The following BCAR3 variants were observed in gnomAD, a reference collection of about 807,000 sequenced individuals.
BCAR3 encodes the protein BCAR3 adaptor protein, NSP family member, also known as breast cancer anti-estrogen resistance protein 3.
Under a neutral mutation model 80.1 loss-of-function variants are expected in BCAR3, and 37 were observed. The ratio of observed to expected loss-of-function variants is 0.46; its 90% confidence interval spans 0.36 to 0.61. The LOEUF is 0.61. BCAR3 is among the 20% of genes least tolerant of loss of function. The pLI, the probability that BCAR3 is intolerant of heterozygous loss-of-function variation, is 0.00. For synonymous variants in BCAR3, 389 were observed against 418.9 expected, an observed-to-expected ratio of 0.93 and a Z score of 0.87; for missense variants, 978 against 1,068.2, an observed-to-expected ratio of 0.92 and a Z score of 1.18.
intron 2 of BCAR3, among the ~76,000 whole-genome samples, chr1:93,784,078 C>A (rs1042932782): frequency 6.6e-6 from 1 of 151,966 alleles, no homozygotes; most frequent in African/African-American, 2.4e-5. Flanking sequence ...TAACAGCCAG[C>A]CAGCAGTGAG....
chr1:93,730,371 G>T (rs1269361077), intron 2 of BCAR3, among the ~76,000 whole-genome samples: 1 of 152,106 alleles, frequency 6.6e-6, no homozygotes, highest in East Asian at 1.9e-4. Flanking sequence ...GACAGTGGGT[G>T]TGCAGAGATA....
chr1:93,631,185 T>C (rs1362700530), intron 3 of BCAR3, among the ~76,000 whole-genome samples: 1 of 152,186 alleles, frequency 6.6e-6, no homozygotes, highest in African/African-American at 2.4e-5. Context: ...CCAGTCTCTA[T>C]CTGTCCTCAC....
At chr1:93,563,143 T>TTG (rs1557830978) in intron 11 of BCAR3, among the ~76,000 whole-genome samples, 1 of 151,928 alleles carries the variant, frequency 6.6e-6, no homozygotes, top group Non-Finnish European at 1.5e-5. Context: ...TGGTAAGTTT[T>TTG]TACATAAACC....
rs141344904 is a variant in BCAR3 at position 93,836,573 on chromosome 1, G to C, written c.-63+8994C>G. On this transcript the variant is annotated intron_variant, in intron 2 of 13. Transcript: ENST00000370244. ...CCCTAATCCCGCTTGAAGCAGCCCT[G>C]AGAAACATCACCCATTATCTCTCCA... is the stretch of plus-strand genomic sequence containing the variant. Among the ~76,000 whole-genome samples the C allele has an allele frequency of 4.3e-3, 653 of 152,022 alleles. 2 individuals carry two copies. Among genetic ancestry groups the C allele is most frequent in the African/African-American group, 0.015 (615 of 41,442 alleles).
chr1:93,802,061 G>A (rs1431763258), intron 2 of BCAR3, among the ~76,000 whole-genome samples: 2 of 151,994 alleles, frequency 1.3e-5, no homozygotes, highest in Non-Finnish European at 2.9e-5. Context: ...CCTGGGAGGT[G>A]GAGGTTGCAG....
intron 2 of BCAR3, among the ~76,000 whole-genome samples, chr1:93,717,412 G>A (rs1306059259): frequency 6.6e-6 from 1 of 152,206 alleles, no homozygotes; most frequent in African/African-American, 2.4e-5. Flanking sequence ...TTAGGCCAAG[G>A]GCTACATGGA....
At chr1:93,817,651 T>A (rs992781232) in intron 2 of BCAR3, among the ~76,000 whole-genome samples, 3 of 152,204 alleles carry the variant, frequency 2.0e-5, no homozygotes, top group South Asian at 4.1e-4. Context: ...CTGGCAGCAT[T>A]CCCAATCTTA....
intron 2 of BCAR3, among the ~76,000 whole-genome samples, chr1:93,751,808 C>T (rs1376079279): frequency 6.6e-6 from 1 of 152,224 alleles, no homozygotes; most frequent in Non-Finnish European, 1.5e-5. Flanking sequence ...CAGACTGCTC[C>T]AACACAAGGG....
intron 8 of BCAR3, among the ~76,000 whole-genome samples, chr1:93,575,073 C>T (rs67511232): frequency 0.17 from 25,162 of 151,840 alleles, 2,275 homozygotes; most frequent in Non-Finnish European, 0.2. Flanking sequence ...GTGAAAACAG[C>T]AAATTCTAAT....
intron 2 of BCAR3, among the ~76,000 whole-genome samples, chr1:93,707,439 G>A (rs2101977262): frequency 6.6e-6 from 1 of 152,272 alleles, no homozygotes; most frequent in South Asian, 2.1e-4. Context: ...GCCGGGCATG[G>A]TGGCTCATGC....
chr1:93,769,877 C>T (rs1299619924), intron 2 of BCAR3, among the ~76,000 whole-genome samples: 1 of 152,092 alleles, frequency 6.6e-6, no homozygotes, highest in Non-Finnish European at 1.5e-5. Context: ...TTAGGAGACC[C>T]ACTTGTGGGC....
chr1:93,734,633 G>C (rs1035527281), intron 2 of BCAR3, among the ~76,000 whole-genome samples: 1 of 152,178 alleles, frequency 6.6e-6, no homozygotes. Flanking sequence ...TAGTGCAGAG[G>C]CTGTTACTTC....
intron 11 of BCAR3, among the ~76,000 whole-genome samples, chr1:93,565,416 G>A (rs957779922): frequency 3.9e-5 from 6 of 152,014 alleles, no homozygotes; most frequent in Non-Finnish European, 7.4e-5. Context: ...TCCCATTCAC[G>A]TGGTCTGGTC....
At chr1:93,657,906 A>G (rs1647464862) in intron 2 of BCAR3, among the ~76,000 whole-genome samples, 2 of 152,030 alleles carry the variant, frequency 1.3e-5, no homozygotes, top group Non-Finnish European at 2.9e-5. Flanking sequence ...CATCACTAAA[A>G]TCAATCAGTC....
At chr1:93,645,947 A>G (rs1676139269) in intron 2 of BCAR3, among the ~76,000 whole-genome samples, 1 of 151,872 alleles carries the variant, frequency 6.6e-6, no homozygotes, top group Admixed American at 6.6e-5. Context: ...GCAACATGTT[A>G]TTAAGAATTT....
chr1:93,572,737 C>CAGTTT (rs1343897486), intron 8 of BCAR3, among the ~76,000 whole-genome samples: 1 of 152,164 alleles, frequency 6.6e-6, no homozygotes, highest in Non-Finnish European at 1.5e-5. Context: ...GGCGAAGCCC[C>CAGTTT]AGTTTATAGC....
chr1:93,568,893 G>A (rs12095383), intron 9 of BCAR3, among the ~76,000 whole-genome samples: 4,544 of 152,268 alleles, frequency 0.03, 217 homozygotes, highest in African/African-American at 0.1. Flanking sequence ...TGCGATCACA[G>A]CTCACTGTAG....
intron 2 of BCAR3, among the ~76,000 whole-genome samples, chr1:93,739,828 A>G (rs1226798075): frequency 6.6e-6 from 1 of 152,162 alleles, no homozygotes; most frequent in Non-Finnish European, 1.5e-5. Flanking sequence ...TGAGGTCAGG[A>G]GTTTGAGACT....
At chr1:93,673,835 G>T (rs1208935476) in intron 2 of BCAR3, among the ~76,000 whole-genome samples, 2 of 152,170 alleles carry the variant, frequency 1.3e-5, no homozygotes, top group Admixed American at 1.3e-4. Context: ...GAGATATGGG[G>T]TCTAATTTAT....
Sources: allele counts gnomAD v4.1 joint callset (sites outside exome capture counted in the v4.1 genomes callset), GRCh38; gene constraint gnomAD v4.1.1; transcripts MANE v1.5; gene names NCBI Gene and HGNC (gene_info 2026-07-23, HGNC 2026-07-21).